CSNK1G3: variants seen among roughly 807,000 people sequenced by gnomAD.
CSNK1G3 encodes casein kinase 1 gamma 3.
In CSNK1G3, 23 loss-of-function variants were observed where a neutral mutation model predicts 64.3. The ratio of observed to expected loss-of-function variants is 0.36; its 90% CI spans 0.26 to 0.51. CSNK1G3 has a LOEUF of 0.51. CSNK1G3 is among the 20% of genes least tolerant of loss of function. The probability of loss-of-function intolerance (pLI) is 0.96; values close to 1 mark genes in which losing one functional copy is unlikely to be tolerated. For synonymous variants in CSNK1G3, 158 were observed against 162.2 expected (o/e 0.97, Z 0.20); for missense variants, 357 against 510.5 (o/e 0.70, Z 2.90).
At chr5:123,538,068 ATTC>A (rs1415223131) in intron 1 of CSNK1G3, among the ~76,000 whole-genome samples, 1 of 152,100 alleles carries the variant, frequency 6.6e-6, no homozygotes, top group Non-Finnish European at 1.5e-5. Flanking sequence ...CAATTTGTTT[ATTC>A]TTCTGTTAAT....
chr5:123,523,580 GGT>G (rs1778512652), intron 1 of CSNK1G3, among the ~76,000 whole-genome samples: 1 of 152,142 alleles, frequency 6.6e-6, no homozygotes, highest in African/African-American at 2.4e-5. Flanking sequence ...AGGAGAATGT[GGT>G]ACAGAAATTT....
intron 4 of CSNK1G3, among the ~76,000 whole-genome samples, chr5:123,568,117 G>A (rs989022823): frequency 3.9e-5 from 6 of 152,284 alleles, no homozygotes; most frequent in East Asian, 1.9e-4. Context: ...TGCAATGTGC[G>A]GTCGGTGTTG....
At chr5:123,534,772 T>A (rs1338468112) in intron 1 of CSNK1G3, among the ~76,000 whole-genome samples, 1 of 152,142 alleles carries the variant, frequency 6.6e-6, no homozygotes, top group Admixed American at 6.6e-5. Flanking sequence ...AGTAGATCAC[T>A]TAGCTAAGCT....
chr5:123,519,019 C>CAA (rs1041134560), intron 1 of CSNK1G3, among the ~76,000 whole-genome samples: 13 of 152,032 alleles, frequency 8.6e-5, no homozygotes, highest in Non-Finnish European at 1.9e-4. Context: ...CTTGGCCTCC[C>CAA]AAAGTGCTGG....
intron 9 of CSNK1G3, among the ~76,000 whole-genome samples, 200 bp downstream of exon 9, chr5:123,590,758 C>G (rs1192748210): frequency 1.3e-5 from 2 of 151,906 alleles, no homozygotes; most frequent in African/African-American, 4.8e-5. Context: ...GATTCTTTGC[C>G]TTTTAGCATG....
intron 10 of CSNK1G3, among the ~76,000 whole-genome samples, chr5:123,595,455 G>A (rs1793251848): frequency 1.3e-5 from 2 of 152,184 alleles, no homozygotes; most frequent in East Asian, 1.9e-4. Context: ...AATAAGATCA[G>A]TCTTTTTAAT....
intron 6 of CSNK1G3, 75 bp downstream of exon 6, chr5:123,576,038 G>A: frequency 1.1e-6 from 1 of 941,182 alleles, no homozygotes; most frequent in South Asian, 1.8e-5. Flanking sequence ...TATTTGTTAT[G>A]GTTCAGTTTT....
chr5:123,541,797 A>AT (rs1321259804), intron 1 of CSNK1G3, among the ~76,000 whole-genome samples: 1 of 150,814 alleles, frequency 6.6e-6, no homozygotes, highest in Non-Finnish European at 1.5e-5. Context: ...TAGTCTGACA[A>AT]TTTTTTTCTT....
intron 2 of CSNK1G3, among the ~76,000 whole-genome samples, chr5:123,547,390 G>A (rs1420556335): frequency 6.6e-6 from 1 of 151,996 alleles, no homozygotes; most frequent in African/African-American, 2.4e-5. Context: ...AGATACATAT[G>A]TATTTGTGTG....
Position 123,526,872 on chromosome 5 carries a change from GTGTGTGTGTA to G in CSNK1G3, c.-248+14305_-248+14314del, listed in dbSNP as rs1359899921. ...TGTGTGTGTGTGTGTGTGTGTGTGT[GTGTGTGTGTA>G]TGAACATAATTTTTTTTTCCTTGAG... On this transcript the variant is annotated intron_variant, in intron 1 of 12. Transcript: ENST00000345990. Among the ~76,000 whole-genome samples the G allele has an allele frequency of 6.0e-3, 784 of 130,002 alleles. 3 individuals are homozygous for G. Among genetic ancestry groups the G allele is most frequent in the African/African-American group, 0.018 (598 of 32,674 alleles). 85.3% of individuals were successfully genotyped at this position (130,002 alleles called of 152,430 possible).
intron 4 of CSNK1G3, among the ~76,000 whole-genome samples, chr5:123,570,521 C>T (rs1787888221): frequency 2.6e-5 from 4 of 151,538 alleles, no homozygotes; most frequent in African/African-American, 9.7e-5. Context: ...GCCTGGCTAA[C>T]TGTTTTGTAT....
chr5:123,535,840 C>T (rs1488696442), intron 1 of CSNK1G3, among the ~76,000 whole-genome samples: 1 of 152,098 alleles, frequency 6.6e-6, no homozygotes, highest in Non-Finnish European at 1.5e-5. Context: ...TAAGCTAACT[C>T]ATCACTTCTT....
chr5:123,550,093 T>C (rs1263490820), intron 2 of CSNK1G3, among the ~76,000 whole-genome samples: 1 of 152,246 alleles, frequency 6.6e-6, no homozygotes, highest in Non-Finnish European at 1.5e-5. Flanking sequence ...ATTTTTCTGC[T>C]GTTTCTAACT....
In CSNK1G3 at chr5:123,521,473, A is replaced by G. The variant is rs189534846; in HGVS notation, c.-248+8903A>G. ...TTTGAGTATTTTCTGATATCTATTG[A>G]AAGTCGATAACTAGAATGCATATTG... On this transcript the variant is annotated intron_variant, in intron 1 of 12. Coordinates refer to ENST00000345990, the Ensembl canonical transcript of CSNK1G3. Among the ~76,000 whole-genome samples the G allele has an allele frequency of 1.2e-4, 18 of 152,298 alleles. No homozygotes were observed. In the East Asian group the frequency reaches 3.3e-3, roughly 28 times the overall value.
chr5:123,590,418 G>A, exon 9 of CSNK1G3: 2 of 1,428,048 alleles, frequency 1.4e-6, no homozygotes, highest in African/African-American at 1.5e-5. Context: ...AGAAGAAATG[G>A]CAACATATCT....
intron 12 of CSNK1G3, among the ~76,000 whole-genome samples, chr5:123,610,823 GA>G (rs1337485474): frequency 1.3e-5 from 2 of 151,298 alleles, no homozygotes; most frequent in East Asian, 1.9e-4. Flanking sequence ...TAAAAATAAT[GA>G]AAAAAAAATT....
chr5:123,575,738 A>G (rs755774003), exon 6 of CSNK1G3: 4 of 1,608,388 alleles, frequency 2.5e-6, no homozygotes, highest in Middle Eastern at 1.7e-4. Flanking sequence ...GATTTCTCGC[A>G]TGGAATATGT....
intron 10 of CSNK1G3, among the ~76,000 whole-genome samples, chr5:123,591,806 C>G (rs543557772): frequency 2.0e-5 from 3 of 151,950 alleles, no homozygotes. Flanking sequence ...GACTGTATAA[C>G]CTTTAAGAAT....
At chr5:123,588,365 G>A (rs1791709535) in intron 7 of CSNK1G3, 62 bp from the exon 8 acceptor site, 48 of 1,305,512 alleles carry the variant, frequency 3.7e-5, no homozygotes, top group Admixed American at 5.1e-5. Context: ...GCTACCGTGT[G>A]CAGTCCCAGC....
Sources: allele counts gnomAD v4.1 joint callset (sites outside exome capture counted in the v4.1 genomes callset), GRCh38; gene constraint gnomAD v4.1.1; transcripts MANE v1.5; gene names NCBI Gene and HGNC (gene_info 2026-07-23, HGNC 2026-07-21).